Variants in FBN2 observed in about 807,000 individuals in gnomAD.
FBN2 encodes the protein fibrillin 2.
FBN2 carries 105 observed loss-of-function variants against 355.6 expected under a neutral mutation model. The ratio of observed to expected loss-of-function variants is 0.30; its 90% CI spans 0.25 to 0.35. FBN2 has a LOEUF of 0.35. Ranked by LOEUF, FBN2 falls within the 10% of genes least tolerant of loss-of-function variation. The probability of loss-of-function intolerance (pLI) is 1.00; values close to 1 mark genes in which losing one functional copy is unlikely to be tolerated. For missense variants in FBN2, 3,280 were observed against 3,758.7 expected (o/e 0.87, Z 3.33); for synonymous variants, 1,350 against 1,301.2 (o/e 1.04, Z -0.81).
chr5:128,472,638 G>C (rs1392879490), intron 5 of FBN2, among the ~76,000 whole-genome samples: 1 of 151,712 alleles, frequency 6.6e-6, no homozygotes, highest in Non-Finnish European at 1.5e-5. Context: ...CTAAAAATAC[G>C]AAATTAGCTA....
At chr5:128,405,987 A>C (rs770157272) in intron 8 of FBN2, among the ~76,000 whole-genome samples, 9 of 152,184 alleles carry the variant, frequency 5.9e-5, no homozygotes, top group Non-Finnish European at 1.0e-4. Context: ...TAAAGAGTTG[A>C]ATCTATACCT....
intron 6 of FBN2, among the ~76,000 whole-genome samples, chr5:128,461,955 GT>G (rs995913439): frequency 2.0e-5 from 3 of 151,934 alleles, no homozygotes; most frequent in African/African-American, 7.3e-5. Context: ...ACATGTATTC[GT>G]TTTTTTAATA....
At chr5:128,310,382 ATATATATATATATATATATATTTT>A (rs1257699386) in intron 39 of FBN2, among the ~76,000 whole-genome samples, 15 of 12,786 alleles carry the variant, frequency 1.2e-3, no homozygotes, top group African/African-American at 5.1e-3. Context: ...ATATATATAT[ATATATATATATATATATATATTTT>A]TTTTTTTTTT....
intron 30 of FBN2, 95 bp downstream of exon 30, chr5:128,335,075 A>G (rs1750798627): frequency 4.5e-6 from 7 of 1,550,232 alleles, no homozygotes; most frequent in Non-Finnish European, 6.2e-6. Context: ...TTAAAATAAC[A>G]ACAGAAAAAG....
intron 5 of FBN2, among the ~76,000 whole-genome samples, chr5:128,482,454 T>C (rs1454594607): frequency 1.3e-5 from 2 of 152,186 alleles, no homozygotes; most frequent in East Asian, 1.9e-4. Flanking sequence ...TCTTTTATTA[T>C]TTTTAGTTCA....
At chr5:128,506,765 G>A (rs1236914877) in intron 5 of FBN2, among the ~76,000 whole-genome samples, 2 of 152,168 alleles carry the variant, frequency 1.3e-5, no homozygotes, top group Non-Finnish European at 1.5e-5. Context: ...CTTCTTTCAT[G>A]TTGAGGAAAT....
chr5:128,537,088 G>C lies in FBN2; in HGVS notation c.254+262C>G, dbSNP rs981485540. Among the ~76,000 whole-genome samples the C allele has an allele frequency of 9.9e-5, 15 of 152,208 alleles. No individual in the cohort carries two copies. In the East Asian group the frequency reaches 1.9e-3, roughly 20 times the overall value. ...TTCCCGCAGCGCGAGCTCTGCACAC[G>C]CTCTGCGATCGGCACCCCTGGACCC... is the stretch of plus-strand genomic sequence containing the variant. On this transcript the variant is annotated intron_variant, in intron 1 of 64. Transcript: ENST00000262464.
intron 34 of FBN2, among the ~76,000 whole-genome samples, chr5:128,320,278 G>A (rs1203801088): frequency 1.3e-5 from 2 of 151,112 alleles, no homozygotes; most frequent in Non-Finnish European, 1.5e-5. Flanking sequence ...GTAGTAGCAC[G>A]ATCATGGCTC....
In FBN2 at chr5:128,259,626, C is replaced by A; in HGVS notation, c.8568G>T (p.Leu2856Phe). The A allele has an allele frequency of 1.2e-6, 2 of 1,614,000 alleles. No homozygotes were observed. Among genetic ancestry groups the A allele is most frequent in the South Asian group, 1.1e-5 (1 of 91,064 alleles). ...GCATGAGCTTCTTCTTGGCCGTGTGCAAGTAGCTGAGCCCATTCCTTTGGT... is the reference window on the plus strand; with the variant it reads ...GCATGAGCTTCTTCTTGGCCGTGTGAAAGTAGCTGAGCCCATTCCTTTGGT... ...RIHQRNGLSYLHTAKKKLMPG... is the reference protein window; with the variant it reads ...RIHQRNGLSYFHTAKKKLMPG... Residue 2856 changes from leucine to phenylalanine, a missense_variant, in exon 65 of 65, where the codon TTG becomes TTT. By Grantham distance (22) the Leu-to-Phe change is conservative (BLOSUM62 0). Coordinates refer to ENST00000262464, the MANE Select transcript of FBN2 (RefSeq NM_001999.4).
At chr5:128,499,224 A>G (rs1029679569) in intron 5 of FBN2, among the ~76,000 whole-genome samples, 2 of 152,206 alleles carry the variant, frequency 1.3e-5, no homozygotes, top group Non-Finnish European at 2.9e-5. Flanking sequence ...AAAATAATCT[A>G]GTAGTAAATT....
At chr5:128,360,877 T>C (rs1435016910) in intron 19 of FBN2, among the ~76,000 whole-genome samples, 1 of 151,800 alleles carries the variant, frequency 6.6e-6, no homozygotes, top group African/African-American at 2.4e-5. Context: ...AAAGATGAAA[T>C]CTTTTCTTAA....
rs1204392366 is a variant in FBN2 at position 128,289,162 on chromosome 5, C to T, written c.6602G>A (p.Gly2201Asp). 6.2e-7 allele frequency: 1 copy of T among 1,613,830 alleles called. No homozygotes were observed. The highest frequency in any genetic ancestry group is 8.5e-7 in the Non-Finnish European group (1 of 1,179,868). ...TACTCCAGTGTAGTCAAGGTTGTAG[C>T]CCATTGGACATTCACAGCGAAAAGA... The part of the protein sequence containing the change: ...DGSFRCECPM[G>D]YNLDYTGVRC... Residue 2201 changes from glycine (G) to aspartate (D), a missense_variant, in exon 52 of 65, where the codon GGC (glycine) becomes GAC (aspartate). By Grantham distance (94) the Gly-to-Asp change is moderately conservative (BLOSUM62 -1). This residue lies in a region of FBN2 where 2,284 missense variants were observed against 2,749.5 expected (regional missense o/e 0.83). Transcript: ENST00000262464.
At chr5:128,404,577 T>C (rs1435794288) in intron 8 of FBN2, among the ~76,000 whole-genome samples, 1 of 152,234 alleles carries the variant, frequency 6.6e-6, no homozygotes, top group Non-Finnish European at 1.5e-5. Flanking sequence ...ATGAAGTTCT[T>C]ACATTCAATA....
chr5:128,301,424 T>C lies in FBN2; in HGVS notation c.6004A>G (p.Asn2002Asp), dbSNP rs773305589. 2.5e-5 allele frequency: 40 copies of C among 1,613,408 alleles called. No individual in the cohort carries two copies. The highest frequency in any genetic ancestry group is 3.2e-5 in the Non-Finnish European group (38 of 1,179,568). The change falls in exon 47 of 65, where the codon AAC (asparagine) becomes GAC (aspartate). Residue 2002 changes from asparagine to aspartate, a missense_variant. Transcript: ENST00000262464. ...NEIGSFKCLC[N>D]EGYELTPDGK... ...TCTGGGGTAAGTTCATAACCTTCGT[T>C]ACATAGACACTTGAAAGAACCAATT...
chr5:128,318,993 C>T lies in FBN2; in HGVS notation c.4480G>A (p.Glu1494Lys). ...SDSRSCQDID[E>K]CSFQNICVFG... is the part of the protein sequence containing the mutation. ...ACACAAATGTTTTGGAAGGAGCATT[C>T]ATCAATATCTGAAGATTTTAAAAAA... The change falls in exon 35 of 65, where the codon GAA becomes AAA. Residue 1494 changes from glutamate to lysine, a missense_variant. By Grantham distance (56) the Glu-to-Lys change is moderately conservative. Transcript: ENST00000262464. The T allele has an allele frequency of 1.2e-6, 2 of 1,607,344 alleles. No individual in the cohort carries two copies. Among genetic ancestry groups the T allele is most frequent in the Non-Finnish European group, 1.7e-6 (2 of 1,174,194 alleles).
chr5:128,538,028 A>G lies in FBN2; in HGVS notation c.-425T>C. The G allele has an allele frequency of 5.0e-6, 1 of 201,050 alleles. No homozygotes were observed. The highest frequency in any genetic ancestry group is 1.3e-4 in the East Asian group (1 of 7,928). The allele number at this position is 201,050 out of a possible 1,614,324, so 12.5% of individuals were successfully genotyped here. A position where few individuals can be genotyped will look rare whatever the true frequency, so the allele number is the denominator to read the frequency against. On this transcript the variant is annotated 5_prime_UTR_variant, in exon 1 of 65. Transcript: ENST00000262464. ...CGGCGGATTCCCGTGCGCTCCGAAGACGGATATTGGAAAGCTGCAAAAGTC... is the reference window on the plus strand; with the variant it reads ...CGGCGGATTCCCGTGCGCTCCGAAGGCGGATATTGGAAAGCTGCAAAAGTC...
chr5:128,335,366 T>C, intron 29 of FBN2, 71 bp from the exon 30 acceptor site: 1 of 1,612,222 alleles, frequency 6.2e-7, no homozygotes, highest in Non-Finnish European at 8.5e-7. Context: ...TTTTGTTTTC[T>C]ATCTGGTTCC....
intron 7 of FBN2, among the ~76,000 whole-genome samples, chr5:128,417,262 T>C (rs189539563): frequency 6.6e-6 from 1 of 152,292 alleles, no homozygotes; most frequent in African/African-American, 2.4e-5. Context: ...GTGCAATTTT[T>C]AGGATTTCTA....
intron 57 of FBN2, 94 bp downstream of exon 57, chr5:128,278,541 T>C (rs1765452436): frequency 1.2e-5 from 13 of 1,096,804 alleles, no homozygotes; most frequent in Non-Finnish European, 1.7e-5. Context: ...GCTACTCTTT[T>C]GATTGTATCA....
Sources: allele counts gnomAD v4.1 joint callset (sites outside exome capture counted in the v4.1 genomes callset), GRCh38; gene constraint gnomAD v4.1.1; regional missense constraint gnomAD v4.1.1; transcripts MANE v1.5; gene names NCBI Gene and HGNC (gene_info 2026-07-23, HGNC 2026-07-21).